Variants in SLC38A8 observed in about 807,000 individuals in gnomAD.
SLC38A8 encodes the protein amino acid transporter SLC38A8.
Under a neutral mutation model 46.0 loss-of-function variants are expected in SLC38A8, and 65 were observed. The ratio of observed to expected loss-of-function variants is 1.41; its 90% confidence interval spans 1.16 to 1.74. The LOEUF is 1.74. SLC38A8 is among the 40% of genes most tolerant of loss of function. The pLI, the probability that SLC38A8 is intolerant of heterozygous loss-of-function variation, is 0.00. For synonymous variants in SLC38A8, 447 were observed against 243.7 expected (o/e 1.83, Z -7.77); for missense variants, 998 against 567.9 (o/e 1.76, Z -7.70).
At chr16:84,019,514 C>G (rs534762265) in intron 7 of SLC38A8, among the ~76,000 whole-genome samples, 50 of 152,328 alleles carry the variant, frequency 3.3e-4, no homozygotes, top group African/African-American at 1.1e-3. Flanking sequence ...CCCCACCTCT[C>G]GATACTGCCA....
intron 7 of SLC38A8, 24 bp from the exon 8 acceptor site, chr16:84,017,311 C>T (rs2085042312): frequency 3.1e-6 from 5 of 1,612,772 alleles, no homozygotes; most frequent in Non-Finnish European, 4.2e-6. Context: ...AGGATGGAAG[C>T]CACAGAGTGG....
At chr16:84,019,182 A>G (rs921010808) in intron 7 of SLC38A8, among the ~76,000 whole-genome samples, 14 of 151,838 alleles carry the variant, frequency 9.2e-5, no homozygotes, top group African/African-American at 3.4e-4. Flanking sequence ...TCAAGCGATT[A>G]TCTTGCCTCA....
chr16:84,042,023 G>T lies in SLC38A8; in HGVS notation c.135C>A (p.Phe45Leu), dbSNP rs577563655. The T allele has an allele frequency of 6.2e-7, 1 of 1,613,394 alleles. No homozygotes were observed. Among genetic ancestry groups the T allele is most frequent in the African/African-American group, 1.3e-5 (1 of 74,912 alleles). The change falls in exon 2 of 11, where the codon TTC becomes TTA. Residue 45 changes from phenylalanine to leucine, a missense_variant. Phe to Leu is a conservative substitution (Grantham distance 22). Transcript: ENST00000299709. Reference protein sequence around the residue: ...KSALGAGLLNFPWAFSKAGGV... With the variant: ...KSALGAGLLNLPWAFSKAGGV... ...CGCCCGCTTTGGAGAAGGCCCAGGG[G>T]AAGTTGAGCAGGCCAGCTCCCAGCG...
chr16:84,026,408 G>C (rs2085165125), intron 6 of SLC38A8, among the ~76,000 whole-genome samples: 1 of 152,168 alleles, frequency 6.6e-6, no homozygotes, highest in Non-Finnish European at 1.5e-5. Flanking sequence ...TGTATTTTTA[G>C]TGAAGATGGG....
Position 84,017,209 on chromosome 16 carries a change from A to T in SLC38A8, c.884T>A (p.Ile295Asn), listed in dbSNP as rs1836130142. 6.2e-7 allele frequency: 1 copy of T among 1,614,010 alleles called. No individual in the cohort carries two copies. The highest frequency in any genetic ancestry group is 1.7e-5 in the Admixed American group (1 of 59,998). Reference protein sequence around the residue: ...LMSYPGNDMVIIVARVLFAVS... With the variant: ...LMSYPGNDMVNIVARVLFAVS... ...AGCAAAAAGGACCCGGGCCACAATGATGACCATATCATTGCCTGGGTAGGA... is the reference window on the plus strand; with the variant it reads ...AGCAAAAAGGACCCGGGCCACAATGTTGACCATATCATTGCCTGGGTAGGA... Residue 295 changes from isoleucine (I) to asparagine (N), a missense_variant, in exon 8 of 11, where the codon ATC (isoleucine) becomes AAC (asparagine). Physicochemically the swap from Ile to Asn is moderately radical, Grantham distance 149. Coordinates refer to ENST00000299709, the MANE Select transcript of SLC38A8 (RefSeq NM_001080442.3).
intron 6 of SLC38A8, among the ~76,000 whole-genome samples, chr16:84,023,494 G>A (rs17786732): frequency 9.2e-5 from 14 of 152,128 alleles, no homozygotes; most frequent in African/African-American, 2.7e-4. Flanking sequence ...AGCAGAGGGC[G>A]TAAGTAAATG....
intron 2 of SLC38A8, chr16:84,041,331 G>C (rs2085364693): frequency 6.6e-6 from 1 of 152,352 alleles, no homozygotes; most frequent in Admixed American, 6.5e-5. Context: ...TTGTTTTTGT[G>C]TGTTTAAGAC....
At chr16:84,041,882 C>A in intron 2 of SLC38A8, 87 bp downstream of exon 2, 1 of 1,242,024 alleles carries the variant, frequency 8.1e-7, no homozygotes, top group Non-Finnish European at 1.1e-6. Context: ...GGACACGCAA[C>A]TCCGCAGAAG....
At position 84,042,020 on chromosome 16, in the gene SLC38A8, G is replaced by C. The variant is rs1224624567; in HGVS notation, c.138C>G (p.Pro46=). ...SALGAGLLNF[P]WAFSKAGGVV... ...CTCCGCCCGCTTTGGAGAAGGCCCA[G>C]GGGAAGTTGAGCAGGCCAGCTCCCA... The change falls in exon 2 of 11, where the codon CCC becomes CCG. Residue 46 remains proline, a synonymous_variant. Transcript: ENST00000299709. 6 of 1,613,432 alleles carry C rather than the reference G, an allele frequency of 3.7e-6. No individual in the cohort carries two copies. Among genetic ancestry groups the C allele is most frequent in the South Asian group, 1.1e-5 (1 of 91,016 alleles).
intron 5 of SLC38A8, among the ~76,000 whole-genome samples, chr16:84,031,542 C>T (rs1327750929): frequency 6.6e-6 from 1 of 151,118 alleles, no homozygotes; most frequent in Non-Finnish European, 1.5e-5. Flanking sequence ...TGCCCCGGTA[C>T]ATGCAGCTGG....
At chr16:84,013,776 T>G (rs978520982) in intron 9 of SLC38A8, among the ~76,000 whole-genome samples, 1 of 151,448 alleles carries the variant, frequency 6.6e-6, no homozygotes, top group African/African-American at 2.4e-5. Context: ...CAGGGCCATG[T>G]AGCTTGGCCT....
chr16:84,043,004 G>A (rs963545287), upstream of SLC38A8, among the ~76,000 whole-genome samples: 2 of 152,084 alleles, frequency 1.3e-5, no homozygotes, highest in Admixed American at 1.3e-4. Flanking sequence ...ACCTCTCCAA[G>A]GTCCCCAGCC....
At position 84,017,519 on chromosome 16, in the gene SLC38A8, G is replaced by T. The variant is rs567992857; in HGVS notation, c.806-232C>A. Among the ~76,000 whole-genome samples, 3 of 152,238 alleles carry T rather than the reference G, an allele frequency of 2.0e-5. No homozygotes were observed. The South Asian group carries it at 6.2e-4, about 32-fold the overall frequency. On this transcript the variant is annotated intron_variant, in intron 7 of 10. Transcript: ENST00000299709. Reference sequence around the variant, plus strand: ...CCGCCACTTATCCTCCTTTCAAATCGCTCACAGAGCTGGTGCACGGAGCTC... The same window carrying T: ...CCGCCACTTATCCTCCTTTCAAATCTCTCACAGAGCTGGTGCACGGAGCTC...
intron 2 of SLC38A8, among the ~76,000 whole-genome samples, chr16:84,040,225 C>T (rs2085352753): frequency 6.6e-6 from 1 of 152,200 alleles, no homozygotes; most frequent in South Asian, 2.1e-4. Flanking sequence ...TCCCCGGTAG[C>T]CCTGGAGGCT....
intron 3 of SLC38A8, among the ~76,000 whole-genome samples, chr16:84,035,823 A>T (rs1050342189): frequency 7.9e-5 from 12 of 152,258 alleles, no homozygotes; most frequent in African/African-American, 2.9e-4. Flanking sequence ...GCTAATCTGC[A>T]ATCGCAGCTG....
intron 6 of SLC38A8, 138 bp from the exon 7 acceptor site, chr16:84,023,027 C>T: frequency 1.6e-6 from 1 of 616,182 alleles, no homozygotes. Context: ...ATCCTTTATT[C>T]TTTAATTCAC....
intron 7 of SLC38A8, among the ~76,000 whole-genome samples, chr16:84,017,673 G>A (rs993357324): frequency 1.3e-5 from 2 of 152,186 alleles, no homozygotes; most frequent in African/African-American, 4.8e-5. Context: ...ATTTCCAAAT[G>A]GGGAAAACCA....
In SLC38A8 at chr16:84,013,859, C is replaced by T. The variant is rs773475125; in HGVS notation, c.1163-807G>A. 5.9e-5 allele frequency among the ~76,000 whole-genome samples: 9 copies of T among 152,234 alleles called. No individual in the cohort carries two copies. In the South Asian group the frequency reaches 6.2e-4, roughly 11 times the overall value. On this transcript the variant is annotated intron_variant, in intron 9 of 10. Transcript: ENST00000299709. Reference sequence around the variant, plus strand: ...CCTTCCCACCACAGGAAATAGCCAGCGCTACAACTGGCCACCTGGTCACAG... The same window carrying T: ...CCTTCCCACCACAGGAAATAGCCAGTGCTACAACTGGCCACCTGGTCACAG...
At chr16:84,013,320 C>T (rs2084976351) in intron 9 of SLC38A8, among the ~76,000 whole-genome samples, 1 of 152,110 alleles carries the variant, frequency 6.6e-6, no homozygotes, top group Non-Finnish European at 1.5e-5. Flanking sequence ...GACAACATGC[C>T]CCCCCACAGC....
Sources: gnomAD v4.1 joint callset for allele counts (sites outside exome capture counted in the v4.1 genomes callset) on GRCh38, gnomAD v4.1.1 for gene constraint, MANE v1.5 for transcripts, NCBI Gene and HGNC (gene_info 2026-07-23, HGNC 2026-07-21) for gene names.